Variants in LRBA observed in about 807,000 individuals in gnomAD.
LRBA encodes LPS responsive beige-like anchor protein, also known as lipopolysaccharide-responsive and beige-like anchor protein.
LRBA carries 176 observed loss-of-function variants against 330.0 expected under a neutral mutation model. The observed-to-expected ratio is 0.53, with a 90% CI of 0.47 to 0.60. The LOEUF is 0.60. Among genes scored for constraint, LRBA ranks in the 20% least tolerant of loss-of-function variants. The pLI, the probability that LRBA is intolerant of heterozygous loss-of-function variation, is 0.00. For missense variants in LRBA, 3,259 were observed against 3,444.8 expected (o/e 0.95, Z 1.35); for synonymous variants, 1,230 against 1,193.0 (o/e 1.03, Z -0.64).
chr4:150,754,080 A>G (rs1733926678), intron 35 of LRBA, among the ~76,000 whole-genome samples: 1 of 151,728 alleles, frequency 6.6e-6, no homozygotes, highest in South Asian at 2.1e-4. Context: ...AAAAAAAAAA[A>G]GTAACCATTG....
In LRBA at chr4:150,864,710, G is replaced by A. The variant is rs1752456540; in HGVS notation, c.2766+2961C>T. Among the ~76,000 whole-genome samples the A allele has an allele frequency of 6.4e-5, 9 of 141,036 alleles. No homozygotes were observed. In the Admixed American group the frequency reaches 6.6e-4, roughly 10 times the overall value. 92.5% of individuals were successfully genotyped at this position (141,036 alleles called of 152,430 possible). A position where few individuals can be genotyped will look rare whatever the true frequency, so the allele number is the denominator to read the frequency against. On this transcript the variant is annotated intron_variant, in intron 22 of 56. Coordinates refer to ENST00000651943, the MANE Select transcript of LRBA (RefSeq NM_001364905.1). ...CACCCAGGCTGGAGTATAGTGGTAT[G>A]ATCTTGGCTCAATGCAACCTCTGCC...
intron 35 of LRBA, among the ~76,000 whole-genome samples, chr4:150,736,811 G>A (rs1458682648): frequency 6.6e-6 from 1 of 152,046 alleles, no homozygotes; most frequent in African/African-American, 2.4e-5. Context: ...AACTATCAAA[G>A]AAAAAAATTC....
chr4:150,908,335 A>C lies in LRBA; in HGVS notation c.1492T>G (p.Cys498Gly), dbSNP rs751361633. ...AAAGAAACAAATAAAGGCACTCACC[A>C]TATAGTCAAATCAATCTCATCAGAC... is the stretch of plus-strand genomic sequence containing the variant. ...YLSDEIDLTICSTLLAFIMEL... is the reference protein window; with the variant it reads ...YLSDEIDLTIGSTLLAFIMEL... Residue 498 changes from cysteine (C) to glycine (G), a missense_variant and splice_region_variant, in exon 11 of 57, where the codon TGT (cysteine) becomes GGT (glycine). By Grantham distance (159) the Cys-to-Gly change is radical (BLOSUM62 -3). Transcript: ENST00000651943. 1 of 1,608,462 alleles carries C rather than the reference A, an allele frequency of 6.2e-7. No homozygotes were observed. Among genetic ancestry groups the C allele is most frequent in the South Asian group, 1.1e-5 (1 of 89,172 alleles).
At chr4:150,351,128 T>C (rs974915161) in intron 47 of LRBA, among the ~76,000 whole-genome samples, 35 of 152,196 alleles carry the variant, frequency 2.3e-4, no homozygotes, top group African/African-American at 8.4e-4. Flanking sequence ...ACAAGATCCA[T>C]TTCCTATCCA....
rs562641999 is a variant in LRBA, at chr4:150,412,452, A to C, written c.7194+2986T>G. ...CGTAAACCACAATCTTCTTTTCCTT[A>C]GTGCCCTTGTAAACCTGTCCCAAAT... On this transcript the variant is annotated intron_variant, in intron 47 of 56. Coordinates refer to ENST00000651943, the MANE Select transcript of LRBA (RefSeq NM_001364905.1). Among the ~76,000 whole-genome samples, 5 of 152,290 alleles carry C rather than the reference A, an allele frequency of 3.3e-5. No individual in the cohort carries two copies. The South Asian group carries it at 1.0e-3, about 32-fold the overall frequency.
chr4:150,449,389 A>G (rs894180057), intron 44 of LRBA, among the ~76,000 whole-genome samples: 14 of 152,060 alleles, frequency 9.2e-5, no homozygotes, highest in African/African-American at 3.4e-4. Flanking sequence ...GAACACTGAG[A>G]AAGTCCGTAC....
At chr4:150,847,279 CTTTTA>C (rs1749981665) in intron 26 of LRBA, among the ~76,000 whole-genome samples, 2 of 151,968 alleles carry the variant, frequency 1.3e-5, no homozygotes, top group South Asian at 2.1e-4. Context: ...TAAATGATAA[CTTTTA>C]TTTTGTTATG....
intron 47 of LRBA, among the ~76,000 whole-genome samples, chr4:150,371,150 T>A (rs1740223472): frequency 6.6e-6 from 1 of 150,766 alleles, no homozygotes; most frequent in Non-Finnish European, 1.5e-5. Context: ...CTTTTCATAG[T>A]AGGTTGAAAA....
intron 35 of LRBA, among the ~76,000 whole-genome samples, chr4:150,746,131 G>T (rs969886845): frequency 6.6e-6 from 1 of 152,054 alleles, no homozygotes; most frequent in Non-Finnish European, 1.5e-5. Context: ...GCATATATAT[G>T]AAACACATAC....
intron 37 of LRBA, among the ~76,000 whole-genome samples, chr4:150,670,841 G>A (rs1781984797): frequency 6.6e-6 from 1 of 151,992 alleles, no homozygotes; most frequent in African/African-American, 2.4e-5. Flanking sequence ...AAGAAATCTT[G>A]CTTTTACTAT....
At chr4:150,303,730 C>T (rs982866773) in intron 52 of LRBA, among the ~76,000 whole-genome samples, 4 of 152,108 alleles carry the variant, frequency 2.6e-5, no homozygotes, top group Non-Finnish European at 2.9e-5. Context: ...ACCACCACCA[C>T]GCCCGGCTAA....
At chr4:150,358,455 C>A (rs1481449098) in intron 47 of LRBA, among the ~76,000 whole-genome samples, 2 of 152,000 alleles carry the variant, frequency 1.3e-5, no homozygotes, top group African/African-American at 4.8e-5. Flanking sequence ...GCATCAAAAA[C>A]TTCCAAATTC....
chr4:150,805,634 GAAGGAAAGGA>G (rs752613054), intron 33 of LRBA, among the ~76,000 whole-genome samples: 1 of 119,178 alleles, frequency 8.4e-6, no homozygotes, highest in Admixed American at 9.2e-5. Flanking sequence ...AGGAGAAGGA[GAAGGAAAGGA>G]AAGGAAAGGA....
chr4:150,298,819 T>G (rs1436315482), intron 53 of LRBA, among the ~76,000 whole-genome samples: 5 of 152,088 alleles, frequency 3.3e-5, no homozygotes, highest in African/African-American at 1.2e-4. Context: ...AATGTATTAC[T>G]GAAATACTAC....
At chr4:150,812,032 A>G (rs992999453) in intron 31 of LRBA, among the ~76,000 whole-genome samples, 19 of 152,208 alleles carry the variant, frequency 1.2e-4, no homozygotes, top group African/African-American at 4.3e-4. Context: ...TAAATTAACC[A>G]GCAATAGTTA....
In LRBA at chr4:150,914,224, C is replaced by A. The variant is rs1333111457; in HGVS notation, c.1132G>T (p.Ala378Ser). 6.2e-7 allele frequency: 1 copy of A among 1,608,152 alleles called. No homozygotes were observed. The highest frequency in any genetic ancestry group is 1.3e-5 in the African/African-American group (1 of 74,570). Residue 378 changes from alanine (A) to serine (S), a missense_variant, in exon 9 of 57, where the codon GCT becomes TCT. Coordinates refer to ENST00000651943, the MANE Select transcript of LRBA (RefSeq NM_001364905.1). Reference protein sequence around the residue: ...SEALNAAQIFAIYQLGLGYKG... With the variant: ...SEALNAAQIFSIYQLGLGYKG... ...TATCCCAGGCCCAACTGATAAATAG[C>A]AAATATCTGAGCTGCATTTAGAGCT...
intron 2 of LRBA, among the ~76,000 whole-genome samples, chr4:150,979,483 T>C (rs185727634): frequency 6.6e-6 from 1 of 152,050 alleles, no homozygotes; most frequent in Admixed American, 6.6e-5. Context: ...ACAGTAAGCA[T>C]ACAGAAAAAC....
chr4:150,474,428 A>C (rs1489085739), intron 42 of LRBA, among the ~76,000 whole-genome samples: 1 of 152,166 alleles, frequency 6.6e-6, no homozygotes, highest in Non-Finnish European at 1.5e-5. Flanking sequence ...CTCTACAATA[A>C]GTTTTGAAAT....
chr4:150,652,864 T>C (rs938561598), intron 37 of LRBA, among the ~76,000 whole-genome samples: 1 of 152,170 alleles, frequency 6.6e-6, no homozygotes, highest in East Asian at 1.9e-4. Flanking sequence ...TGTTTCCTTT[T>C]TGGTGATGTT....
Sources: gnomAD v4.1 joint callset for allele counts (sites outside exome capture counted in the v4.1 genomes callset) on GRCh38, gnomAD v4.1.1 for gene constraint, MANE v1.5 for transcripts, NCBI Gene and HGNC (gene_info 2026-07-23, HGNC 2026-07-21) for gene names.